The following DSCAML1 variants were observed in gnomAD, a reference collection of about 807,000 sequenced individuals.
The protein encoded by DSCAML1 is DS cell adhesion molecule like 1.
Under a neutral mutation model 200.5 loss-of-function variants are expected in DSCAML1, and 38 were observed. The observed-to-expected ratio is 0.19, with a 90% CI of 0.15 to 0.25. The LOEUF (loss-of-function observed/expected upper bound fraction) is 0.25. DSCAML1 is among the 10% of genes least tolerant of loss of function. The pLI is 1.00. For missense variants in DSCAML1, 2,223 were observed against 2,858.8 expected, an observed-to-expected ratio of 0.78 and a Z score of 5.07; for synonymous variants, 1,215 against 1,165.0, an observed-to-expected ratio of 1.04 and a Z score of -0.87.
Position 117,430,772 on chromosome 11 carries a change from G to A in DSCAML1, c.5636C>T (p.Ala1879Val), listed in dbSNP as rs780074864. The A allele has an allele frequency of 5.0e-6, 8 of 1,614,018 alleles. No homozygotes were observed. Among genetic ancestry groups the A allele is most frequent in the Admixed American group, 3.3e-5 (2 of 60,012 alleles). Residue 1879 changes from alanine (A) to valine (V), a missense_variant, in exon 32 of 33, where the codon GCG becomes GTG. Ala to Val is a moderately conservative substitution (Grantham distance 64, BLOSUM62 0). Around this residue, in one of 7 missense-constraint regions of DSCAML1, gnomAD observed 96 missense variants for 160.7 expected, o/e 0.60. Transcript: ENST00000651296. ...FTASPPKPQD[A>V]DRGKNVAVPI... ...CACAGCCACGTTTTTGCCCCGGTCC[G>A]CATCCTGGGGCTTGGGTGGTGAGGC...
At chr11:117,796,655 C>A (rs903542770) in intron 1 of DSCAML1, among the ~76,000 whole-genome samples, 1 of 152,210 alleles carries the variant, frequency 6.6e-6, no homozygotes, top group African/African-American at 2.4e-5. Context: ...AGAGTCACGG[C>A]CTGAGGACCC....
intron 11 of DSCAML1, among the ~76,000 whole-genome samples, chr11:117,483,125 A>G (rs927812074): frequency 5.3e-5 from 8 of 152,238 alleles, no homozygotes; most frequent in Non-Finnish European, 8.8e-5. Flanking sequence ...CACCTGCGGC[A>G]GCAGCAGGAG....
intron 3 of DSCAML1, among the ~76,000 whole-genome samples, chr11:117,619,491 G>A (rs1342522712): frequency 6.6e-6 from 1 of 152,210 alleles, no homozygotes; most frequent in Non-Finnish European, 1.5e-5. Flanking sequence ...ACAGAGTGGA[G>A]AAATATTTCA....
chr11:117,438,165 G>T (rs1165471767), intron 24 of DSCAML1, 82 bp from the exon 25 acceptor site: 15 of 1,393,450 alleles, frequency 1.1e-5, no homozygotes, highest in African/African-American at 2.9e-5. Flanking sequence ...CCAACAGGGG[G>T]CTGGGCTCCA....
chr11:117,464,656 A>G (rs941454273), intron 17 of DSCAML1, among the ~76,000 whole-genome samples: 1 of 152,168 alleles, frequency 6.6e-6, no homozygotes, highest in African/African-American at 2.4e-5. Context: ...GTGGATGGGG[A>G]GACAGGTGGA....
intron 19 of DSCAML1, among the ~76,000 whole-genome samples, chr11:117,458,062 C>T (rs1298866679): frequency 1.5e-5 from 2 of 136,968 alleles, no homozygotes; most frequent in Non-Finnish European, 3.2e-5. Flanking sequence ...GCTGTTCATG[C>T]ACTGTGCCTC....
intron 3 of DSCAML1, among the ~76,000 whole-genome samples, chr11:117,714,826 GA>G (rs1555201520): frequency 1.7e-5 from 2 of 115,550 alleles, no homozygotes; most frequent in African/African-American, 3.4e-5. Flanking sequence ...TCATCTTGAG[GA>G]AAAAAAAAAA....
chr11:117,516,418 T>C lies in DSCAML1; in HGVS notation c.1783+49A>G. ...TCCCAGCTGGGGAAAGGCCCACGCA[T>C]CCTGGGTGGTCAGGCGGGCAGGGGC... On this transcript the variant is annotated intron_variant, in intron 8 of 32. Transcript: ENST00000651296. This position sits in a 1 kb window ranked among gnomAD's most constrained non-coding sequence, Gnocchi z 5.7. 1 of 1,582,816 alleles carries C rather than the reference T, an allele frequency of 6.3e-7. No homozygotes were observed. The highest frequency in any genetic ancestry group is 8.6e-7 in the Non-Finnish European group (1 of 1,162,882).
intron 3 of DSCAML1, among the ~76,000 whole-genome samples, chr11:117,771,048 C>A (rs1290087781): frequency 2.0e-5 from 3 of 152,072 alleles, no homozygotes; most frequent in Admixed American, 2.0e-4. Flanking sequence ...GACACAGTCT[C>A]CAGGGCACTC....
intron 3 of DSCAML1, among the ~76,000 whole-genome samples, chr11:117,608,544 C>T (rs924357864): frequency 2.0e-5 from 3 of 152,278 alleles, no homozygotes; most frequent in Non-Finnish European, 2.9e-5. Flanking sequence ...TATACGAGAA[C>T]ATTTTAACAT....
At chr11:117,555,622 C>A (rs1203192749) in intron 3 of DSCAML1, among the ~76,000 whole-genome samples, 1 of 152,104 alleles carries the variant, frequency 6.6e-6, no homozygotes, top group Admixed American at 6.5e-5. Context: ...CAGGAAAGGG[C>A]AGGGAGCATC....
At chr11:117,588,505 C>T (rs569767660) in intron 3 of DSCAML1, among the ~76,000 whole-genome samples, 9 of 152,274 alleles carry the variant, frequency 5.9e-5, no homozygotes, top group South Asian at 4.1e-4. Flanking sequence ...TCCCCTGAGC[C>T]GGTGCATTGA....
chr11:117,694,764 A>G (rs1267905955), intron 3 of DSCAML1, among the ~76,000 whole-genome samples: 5 of 152,382 alleles, frequency 3.3e-5, no homozygotes, highest in South Asian at 2.1e-4. Context: ...TAAGGAAAGC[A>G]TCGTGGAACA....
chr11:117,747,998 G>A (rs11605423), intron 3 of DSCAML1, among the ~76,000 whole-genome samples: 10,929 of 152,074 alleles, frequency 0.072, 610 homozygotes, highest in African/African-American at 0.15. Context: ...TTTCCCTTCC[G>A]CAAGTCCCAT....
intron 3 of DSCAML1, among the ~76,000 whole-genome samples, chr11:117,763,034 G>T (rs1378831604): frequency 1.3e-5 from 2 of 152,078 alleles, no homozygotes; most frequent in East Asian, 3.9e-4. Flanking sequence ...TGCCATGTGG[G>T]GTCCTTCCTC....
At chr11:117,685,131 A>C (rs940139789) in intron 3 of DSCAML1, among the ~76,000 whole-genome samples, 1 of 152,222 alleles carries the variant, frequency 6.6e-6, no homozygotes, top group Non-Finnish European at 1.5e-5. Flanking sequence ...CAGGCCTCTC[A>C]ACATTCACTG....
intron 3 of DSCAML1, among the ~76,000 whole-genome samples, chr11:117,674,541 C>T (rs1212010782): frequency 6.6e-6 from 1 of 152,152 alleles, no homozygotes; most frequent in Non-Finnish European, 1.5e-5. Context: ...GTGCCAAGCC[C>T]TCTCACTGGA....
rs552125307 is a variant in DSCAML1 at position 117,589,655 on chromosome 11, C to A, written c.512-57133G>T. ...CAGCATTAAGAACTAACCAGAGCGA[C>A]TGAATCCAGGTTGTGAGTTGCAAAG... On this transcript the variant is annotated intron_variant, in intron 3 of 32. Transcript: ENST00000651296. 1.4e-4 allele frequency among the ~76,000 whole-genome samples: 21 copies of A among 152,324 alleles called. No homozygotes were observed. The South Asian group carries it at 2.9e-3, about 21-fold the overall frequency.
At chr11:117,644,531 T>G (rs1332621930) in intron 3 of DSCAML1, among the ~76,000 whole-genome samples, 1 of 152,242 alleles carries the variant, frequency 6.6e-6, no homozygotes, top group Non-Finnish European at 1.5e-5. Context: ...AAGTTTTCTT[T>G]CCTTCCTCCC....
Sources: allele counts gnomAD v4.1 joint callset (sites outside exome capture counted in the v4.1 genomes callset), GRCh38; gene constraint gnomAD v4.1.1; regional missense constraint gnomAD v4.1.1; non-coding constraint Gnocchi (gnomAD v3.1); transcripts MANE v1.5; gene names NCBI Gene and HGNC (gene_info 2026-07-23, HGNC 2026-07-21).